Variants in IGF1R observed in about 807,000 individuals in gnomAD.
IGF1R encodes insulin-like growth factor 1 receptor.
IGF1R carries 44 observed loss-of-function variants against 144.6 expected under a neutral mutation model. That is an observed-to-expected ratio of 0.30 (90% CI 0.24 to 0.39). The LOEUF is 0.39. Among genes scored for constraint, IGF1R ranks in the 10% least tolerant of loss-of-function variants. The pLI, the probability that IGF1R is intolerant of heterozygous loss-of-function variation, is 1.00. For missense variants in IGF1R, 1,355 were observed against 1,833.7 expected (o/e 0.74, Z 4.77); for synonymous variants, 795 against 722.8 (o/e 1.10, Z -1.60).
intron 2 of IGF1R, among the ~76,000 whole-genome samples, chr15:98,772,417 TAAGA>T (rs956937730): frequency 1.4e-4 from 21 of 150,948 alleles, no homozygotes; most frequent in African/African-American, 4.8e-4. Flanking sequence ...GTTCTGAACC[TAAGA>T]AAGGTTTGTA....
In IGF1R at chr15:98,957,350, G is replaced by A. The variant is rs34102392; in HGVS notation, c.4012G>A (p.Ala1338Thr). The A allele has an allele frequency of 2.3e-5, 37 of 1,612,008 alleles. No individual in the cohort carries two copies. Among genetic ancestry groups the A allele is most frequent in the East Asian group, 1.8e-4 (8 of 44,812 alleles). ...GPGPGVLVLR[A>T]SFDERQPYAH... ...CGGCCCTGGGGTGCTGGTCCTCCGCGCCAGCTTCGACGAGAGACAGCCTTA... is the reference window on the plus strand; with the variant it reads ...CGGCCCTGGGGTGCTGGTCCTCCGCACCAGCTTCGACGAGAGACAGCCTTA... Residue 1338 changes from alanine (A) to threonine (T), a missense_variant, in exon 21 of 21, where the codon GCC becomes ACC. Physicochemically the swap from Ala to Thr is moderately conservative, Grantham distance 58. Around this residue, in one of 7 missense-constraint regions of IGF1R, gnomAD observed 219 missense variants for 188.8 expected, o/e 1.16. Transcript: ENST00000650285.
At chr15:98,947,815 C>T (rs2016612074) in intron 19 of IGF1R, among the ~76,000 whole-genome samples, 1 of 152,202 alleles carries the variant, frequency 6.6e-6, no homozygotes, top group South Asian at 2.1e-4. Flanking sequence ...CACCCTGGTC[C>T]CCCCACCTGT....
chr15:98,675,289 C>G (rs558685606), intron 1 of IGF1R, among the ~76,000 whole-genome samples: 43 of 152,036 alleles, frequency 2.8e-4, no homozygotes, highest in African/African-American at 9.9e-4. Context: ...GTGCCTGGCC[C>G]ATTTTATAAT....
chr15:98,769,799 C>A lies in IGF1R; in HGVS notation c.640+61692C>A, dbSNP rs2055538483. On this transcript the variant is annotated intron_variant, in intron 2 of 20. Coordinates refer to ENST00000650285, the MANE Select transcript of IGF1R (RefSeq NM_000875.5). The stretch of plus-strand genomic sequence containing the variant: ...TTCTCTTCTATTTTCTTATCAGTAG[C>A]ACTGCTTTTACACTTATTAGCCCTA... Among the ~76,000 whole-genome samples, 4 of 152,320 alleles carry A rather than the reference C, an allele frequency of 2.6e-5. No individual in the cohort carries two copies. In the South Asian group the frequency reaches 6.2e-4, roughly 24 times the overall value.
At chr15:98,672,639 G>A (rs1044406168) in intron 1 of IGF1R, among the ~76,000 whole-genome samples, 7 of 151,218 alleles carry the variant, frequency 4.6e-5, no homozygotes, top group East Asian at 1.9e-4. Context: ...CATGCTAAAC[G>A]TTGTATTTCT....
intron 2 of IGF1R, among the ~76,000 whole-genome samples, chr15:98,816,645 C>T (rs1202900347): frequency 1.3e-5 from 2 of 152,208 alleles, no homozygotes; most frequent in Non-Finnish European, 2.9e-5. Flanking sequence ...TCCCTTGTGC[C>T]TGTGTTTTAA....
At chr15:98,658,000 G>C (rs762069233) in intron 1 of IGF1R, among the ~76,000 whole-genome samples, 1 of 152,150 alleles carries the variant, frequency 6.6e-6, no homozygotes, top group Non-Finnish European at 1.5e-5. Flanking sequence ...CCCTTAGTCT[G>C]ATGGACTTGC....
intron 2 of IGF1R, among the ~76,000 whole-genome samples, chr15:98,728,305 G>C (rs1337430212): frequency 6.6e-6 from 1 of 152,106 alleles, no homozygotes; most frequent in African/African-American, 2.4e-5. Context: ...TGGCCGGGCT[G>C]GGTGGGGATG....
rs548757778 is a variant in IGF1R, at chr15:98,941,656, G to GC, written c.3458-1264dup. ...CAAGGGCTCAAGATGTTTTCCCAATGCCCAGCGTCTCATGGATGACAAATA... is the reference window on the plus strand; with the variant it reads ...CAAGGGCTCAAGATGTTTTCCCAATGCCCCAGCGTCTCATGGATGACAAATA... On this transcript the variant is annotated intron_variant, in intron 18 of 20. Coordinates refer to ENST00000650285, the MANE Select transcript of IGF1R (RefSeq NM_000875.5). Among the ~76,000 whole-genome samples the GC allele has an allele frequency of 1.7e-3, 252 of 152,248 alleles. 1 individual carries two copies. The highest frequency in any genetic ancestry group is 3.2e-3 in the Non-Finnish European group (216 of 67,996).
At chr15:98,709,600 T>G (rs907383895) in intron 2 of IGF1R, among the ~76,000 whole-genome samples, 2 of 152,216 alleles carry the variant, frequency 1.3e-5, no homozygotes, top group African/African-American at 4.8e-5. Flanking sequence ...CATTTAAAAA[T>G]TTTATCTGAA....
At chr15:98,855,230 C>T (rs1273309009) in intron 2 of IGF1R, among the ~76,000 whole-genome samples, 1 of 152,178 alleles carries the variant, frequency 6.6e-6, no homozygotes, top group Non-Finnish European at 1.5e-5. Context: ...TTAATGGCAC[C>T]ATGGTCTGTG....
At position 98,651,358 on chromosome 15, in the gene IGF1R, C is replaced by G. The variant is rs535851842; in HGVS notation, c.94+1683C>G. Among the ~76,000 whole-genome samples the G allele has an allele frequency of 1.1e-3, 164 of 152,364 alleles. 1 individual carries two copies. The highest frequency in any genetic ancestry group is 3.1e-3 in the African/African-American group (129 of 41,590). On this transcript the variant is annotated intron_variant, in intron 1 of 20. Coordinates refer to ENST00000650285, the MANE Select transcript of IGF1R (RefSeq NM_000875.5). The stretch of plus-strand genomic sequence containing the variant: ...CCTTCCACAGATCTGGGCTCTCCTG[C>G]TCTTTGTTTTCTAAACTTTCAGCGG...
At chr15:98,888,445 G>GTGTGTGTA (rs2013748592) in intron 2 of IGF1R, among the ~76,000 whole-genome samples, 1 of 151,436 alleles carries the variant, frequency 6.6e-6, no homozygotes, top group Non-Finnish European at 1.5e-5. Flanking sequence ...GAGAGTGTGT[G>GTGTGTGTA]TGTGTGTGTG....
At chr15:98,716,086 G>A (rs1211742672) in intron 2 of IGF1R, among the ~76,000 whole-genome samples, 3 of 152,198 alleles carry the variant, frequency 2.0e-5, no homozygotes, top group African/African-American at 4.8e-5. Flanking sequence ...GCTGGTGAGG[G>A]ACAGGGACAG....
chr15:98,806,318 C>G (rs577345550), intron 2 of IGF1R, among the ~76,000 whole-genome samples: 105 of 152,180 alleles, frequency 6.9e-4, no homozygotes, highest in African/African-American at 2.3e-3. Context: ...AATGCCTTGT[C>G]CATGTGCTAA....
At chr15:98,909,814 A>G (rs192102364) in intron 6 of IGF1R, among the ~76,000 whole-genome samples, 2 of 152,224 alleles carry the variant, frequency 1.3e-5, no homozygotes, top group African/African-American at 4.8e-5. Context: ...ACAGCCTTGT[A>G]CTGTTTATAA....
intron 5 of IGF1R, among the ~76,000 whole-genome samples, chr15:98,905,743 A>T (rs2151665965): frequency 6.6e-6 from 1 of 152,328 alleles, no homozygotes; most frequent in Non-Finnish European, 1.5e-5. Context: ...ACAATTAGGA[A>T]ATCACATTTA....
At chr15:98,902,364 G>A (rs2014524703) in intron 5 of IGF1R, among the ~76,000 whole-genome samples, 1 of 144,602 alleles carries the variant, frequency 6.9e-6, no homozygotes, top group Non-Finnish European at 1.5e-5. Context: ...GCTGCCTAAT[G>A]TTTTAGAGGT....
intron 13 of IGF1R, among the ~76,000 whole-genome samples, chr15:98,928,699 G>A (rs1337825193): frequency 6.6e-6 from 1 of 152,108 alleles, no homozygotes; most frequent in Non-Finnish European, 1.5e-5. Context: ...CATATGTGAA[G>A]TCCACTTTTC....
Sources: gnomAD v4.1 joint callset for allele counts (sites outside exome capture counted in the v4.1 genomes callset) on GRCh38, gnomAD v4.1.1 for gene constraint, gnomAD v4.1.1 regional missense constraint, MANE v1.5 for transcripts, NCBI Gene and HGNC (gene_info 2026-07-23, HGNC 2026-07-21) for gene names.